Variants in IMMP2L observed in about 807,000 individuals in gnomAD.
IMMP2L encodes mitochondrial inner membrane protease subunit 2.
A neutral mutation model predicts 19.3 loss-of-function variants in IMMP2L; 18 were observed. That is an observed-to-expected ratio of 0.93 (90% CI 0.64 to 1.38). The LOEUF is 1.38. Among genes scored for constraint, IMMP2L ranks in the 40% most tolerant of loss-of-function variants. The pLI is 0.00. For synonymous variants in IMMP2L, 76 were observed against 73.0 expected (o/e 1.04, Z -0.21); for missense variants, 233 against 218.2 (o/e 1.07, Z -0.43).
chr7:110,687,968 G>T (rs929823341), intron 5 of IMMP2L, among the ~76,000 whole-genome samples: 2 of 150,980 alleles, frequency 1.3e-5, no homozygotes, highest in Non-Finnish European at 3.0e-5. Context: ...TCTTGGAAAA[G>T]AGCCATCATA....
At chr7:110,819,834 T>A (rs1802865368) in intron 5 of IMMP2L, among the ~76,000 whole-genome samples, 1 of 152,010 alleles carries the variant, frequency 6.6e-6, no homozygotes, top group Admixed American at 6.6e-5. Context: ...CTACAACTAT[T>A]GATTTCCATG....
At chr7:111,088,043 T>C (rs1220365790) in intron 3 of IMMP2L, among the ~76,000 whole-genome samples, 2 of 152,128 alleles carry the variant, frequency 1.3e-5, no homozygotes, top group Non-Finnish European at 2.9e-5. Context: ...CTCTAGGAAG[T>C]GGCAAGGTAA....
At chr7:111,341,768 C>A (rs1827030946) in intron 3 of IMMP2L, among the ~76,000 whole-genome samples, 2 of 152,108 alleles carry the variant, frequency 1.3e-5, no homozygotes. Flanking sequence ...AAACTTAATC[C>A]CAATGCAACA....
chr7:110,908,887 A>T (rs546840938), intron 4 of IMMP2L, among the ~76,000 whole-genome samples: 2 of 152,346 alleles, frequency 1.3e-5, no homozygotes, highest in South Asian at 4.1e-4. Flanking sequence ...ATGTGCAAAA[A>T]CCAATACACT....
At chr7:111,165,519 T>G (rs1805723581) in intron 3 of IMMP2L, among the ~76,000 whole-genome samples, 1 of 152,088 alleles carries the variant, frequency 6.6e-6, no homozygotes, top group Admixed American at 6.6e-5. Context: ...CAGTGGCTAT[T>G]TATTTTTTAA....
At chr7:110,940,702 G>A (rs1273126350) in intron 4 of IMMP2L, among the ~76,000 whole-genome samples, 2 of 152,148 alleles carry the variant, frequency 1.3e-5, no homozygotes, top group East Asian at 1.9e-4. Flanking sequence ...GTATGCAAAT[G>A]TATGTCACTC....
chr7:111,529,384 A>G lies in IMMP2L; in HGVS notation c.-2-7935T>C, dbSNP rs113524153. On this transcript the variant is annotated intron_variant, in intron 1 of 5. Transcript: ENST00000405709. ...GCAGATCCTGGCAAGTAATCTATAG[A>G]AAGCAATTTAAAAAATTTTTTCAGG... Among the ~76,000 whole-genome samples the G allele has an allele frequency of 6.3e-3, 966 of 152,302 alleles. 11 individuals are homozygous for G. The highest frequency in any genetic ancestry group is 0.02 in the African/African-American group (849 of 41,562).
rs140281472 is a variant in IMMP2L, at chr7:111,230,924, G to A, written c.239+256314C>T. Among the ~76,000 whole-genome samples the A allele has an allele frequency of 4.6e-4, 70 of 152,068 alleles. 1 individual carries two copies. The highest frequency in any genetic ancestry group is 6.8e-3 in the Middle Eastern group (2 of 294). On this transcript the variant is annotated intron_variant, in intron 3 of 5. Coordinates refer to ENST00000405709, the MANE Select transcript of IMMP2L (RefSeq NM_032549.4). The stretch of plus-strand genomic sequence containing the variant: ...TCTTTGAAGAAGAAATGCTGGAATT[G>A]ATAACTAATGAATGGGTGCAAATTA...
chr7:110,907,426 A>G (rs907615015), intron 4 of IMMP2L, among the ~76,000 whole-genome samples: 1 of 152,118 alleles, frequency 6.6e-6, no homozygotes. Flanking sequence ...TCAATGGTCA[A>G]ACTGTAGTCT....
chr7:111,529,438 A>G (rs1847189188), intron 1 of IMMP2L, among the ~76,000 whole-genome samples: 1 of 152,210 alleles, frequency 6.6e-6, no homozygotes, highest in Non-Finnish European at 1.5e-5. Context: ...CATTATAAGT[A>G]AACAATATTT....
chr7:110,949,740 A>G (rs1196312669), intron 4 of IMMP2L, among the ~76,000 whole-genome samples: 9 of 152,170 alleles, frequency 5.9e-5, no homozygotes, highest in Non-Finnish European at 1.0e-4. Flanking sequence ...CAGAGACAAG[A>G]AAAATATATT....
intron 3 of IMMP2L, among the ~76,000 whole-genome samples, chr7:111,463,676 A>G (rs897032040): frequency 1.3e-5 from 2 of 152,234 alleles, no homozygotes; most frequent in African/African-American, 2.4e-5. Context: ...TCCTTCTGCC[A>G]TCAGGCTATG....
intron 3 of IMMP2L, among the ~76,000 whole-genome samples, chr7:110,974,590 C>A (rs1261780220): frequency 6.6e-6 from 1 of 152,094 alleles, no homozygotes. Context: ...ATGTCTCTCC[C>A]ACCCTTTATC....
chr7:111,118,216 T>C (rs1032487114), intron 3 of IMMP2L, among the ~76,000 whole-genome samples: 1 of 152,134 alleles, frequency 6.6e-6, no homozygotes, highest in African/African-American at 2.4e-5. Flanking sequence ...TTATCTTATT[T>C]ATTGCTGACT....
At chr7:110,685,450 G>A (rs1793047178) in intron 5 of IMMP2L, among the ~76,000 whole-genome samples, 1 of 152,154 alleles carries the variant, frequency 6.6e-6, no homozygotes, top group South Asian at 2.1e-4. Flanking sequence ...GTCAGGTACA[G>A]ATTAAGCCTG....
At chr7:111,500,963 G>T (rs1227311020) in intron 2 of IMMP2L, among the ~76,000 whole-genome samples, 1 of 152,186 alleles carries the variant, frequency 6.6e-6, no homozygotes, top group Non-Finnish European at 1.5e-5. Flanking sequence ...ACGGAACAAA[G>T]CTGGACGGAG....
At chr7:110,970,982 C>A (rs1820079177) in intron 3 of IMMP2L, among the ~76,000 whole-genome samples, 1 of 152,106 alleles carries the variant, frequency 6.6e-6, no homozygotes. Flanking sequence ...CCACAAAACA[C>A]CCTGAAAGAG....
At chr7:111,272,939 T>A (rs1448277269) in intron 3 of IMMP2L, among the ~76,000 whole-genome samples, 1 of 151,490 alleles carries the variant, frequency 6.6e-6, no homozygotes, top group Non-Finnish European at 1.5e-5. Flanking sequence ...GACAATGGAG[T>A]CTTGATAGAG....
intron 3 of IMMP2L, among the ~76,000 whole-genome samples, chr7:111,422,138 A>G (rs1225448698): frequency 1.3e-5 from 2 of 151,688 alleles, no homozygotes; most frequent in East Asian, 3.9e-4. Context: ...ATTGTAGTCT[A>G]GTTTGAAATC....
Sources: gnomAD v4.1 joint callset for allele counts (sites outside exome capture counted in the v4.1 genomes callset) on GRCh38, gnomAD v4.1.1 for gene constraint, MANE v1.5 for transcripts, NCBI Gene and HGNC (gene_info 2026-07-23, HGNC 2026-07-21) for gene names.